Variants in UHRF2 observed in about 807,000 individuals in gnomAD.
UHRF2 encodes E3 ubiquitin-protein ligase UHRF2.
Under a neutral mutation model 96.8 loss-of-function variants are expected in UHRF2, and 23 were observed. The ratio of observed to expected loss-of-function variants is 0.24; its 90% CI spans 0.17 to 0.34. The LOEUF is 0.34. Ranked by LOEUF, UHRF2 falls within the 10% of genes least tolerant of loss-of-function variation. The pLI is 1.00. For synonymous variants in UHRF2, 385 were observed against 332.6 expected, an observed-to-expected ratio of 1.16 and a Z score of -1.72; for missense variants, 685 against 981.5, an observed-to-expected ratio of 0.70 and a Z score of 4.04.
chr9:6,462,711 G>A (rs997462909), intron 4 of UHRF2, among the ~76,000 whole-genome samples: 2 of 152,210 alleles, frequency 1.3e-5, no homozygotes, highest in African/African-American at 4.8e-5. Flanking sequence ...GAGGTCAGGA[G>A]TTCGAGACCA....
In UHRF2 at chr9:6,499,951, T is replaced by C. The variant is rs1825186624; in HGVS notation, c.2005+20T>C. On this transcript the variant is annotated intron_variant, in intron 13 of 15. Coordinates refer to ENST00000276893, the MANE Select transcript of UHRF2 (RefSeq NM_152896.3). ...CAGATGGTAGGTAATGATTGCAAAA[T>C]ATAAATAATAATAACATACTTTTGT... 6.5e-7 allele frequency: 1 copy of C among 1,537,266 alleles called. No individual in the cohort carries two copies. Among genetic ancestry groups the C allele is most frequent in the Non-Finnish European group, 8.9e-7 (1 of 1,119,062 alleles).
intron 3 of UHRF2, among the ~76,000 whole-genome samples, chr9:6,446,745 T>C (rs1439465739): frequency 6.6e-6 from 1 of 151,602 alleles, no homozygotes; most frequent in Non-Finnish European, 1.5e-5. Context: ...CTTGGGAGAC[T>C]GAGGCAGGAG....
chr9:6,468,713 G>A (rs1823031066), intron 4 of UHRF2: 1 of 455,840 alleles, frequency 2.2e-6, no homozygotes, highest in Non-Finnish European at 4.4e-6. Context: ...GTAGTAAAAA[G>A]TGGCATTTTC....
At chr9:6,481,558 G>C (rs1823927913) in intron 6 of UHRF2, 85 bp from the exon 7 acceptor site, 1 of 1,485,586 alleles carries the variant, frequency 6.7e-7, no homozygotes, top group Non-Finnish European at 9.1e-7. Flanking sequence ...CTTAAAACTT[G>C]CTCTTACCTA....
chr9:6,483,121 T>G (rs1824024779), intron 8 of UHRF2, among the ~76,000 whole-genome samples: 1 of 151,514 alleles, frequency 6.6e-6, no homozygotes, highest in African/African-American at 2.4e-5. Flanking sequence ...AGGCCAGGAA[T>G]TCAAAACCAG....
At chr9:6,500,754 A>G in intron 14 of UHRF2, 45 bp downstream of exon 14, 2 of 1,526,726 alleles carry the variant, frequency 1.3e-6, no homozygotes, top group South Asian at 1.2e-5. Context: ...ATATTAACAA[A>G]TGATAAATAA....
intron 8 of UHRF2, among the ~76,000 whole-genome samples, chr9:6,485,651 G>A (rs1474582585): frequency 4.4e-5 from 6 of 135,270 alleles, no homozygotes; most frequent in African/African-American, 1.7e-4. Context: ...CTTGAATTCA[G>A]TTTCCTTTAC....
chr9:6,474,923 C>G (rs1485026005), intron 4 of UHRF2, among the ~76,000 whole-genome samples: 1 of 152,024 alleles, frequency 6.6e-6, no homozygotes, highest in Non-Finnish European at 1.5e-5. Context: ...TAAATTGTTA[C>G]AGAATTATCC....
At chr9:6,462,909 T>C (rs543317210) in intron 4 of UHRF2, among the ~76,000 whole-genome samples, 2 of 148,776 alleles carry the variant, frequency 1.3e-5, no homozygotes, top group Admixed American at 1.3e-4. Flanking sequence ...AGAGCGAGAC[T>C]CTGTCTAAAA....
intron 3 of UHRF2, among the ~76,000 whole-genome samples, chr9:6,437,945 C>G (rs887864044): frequency 1.4e-4 from 22 of 152,128 alleles, no homozygotes; most frequent in African/African-American, 5.3e-4. Context: ...TAGTACAAAC[C>G]AGATGATGCT....
chr9:6,430,185 C>T (rs979317269), intron 2 of UHRF2, among the ~76,000 whole-genome samples: 3 of 152,018 alleles, frequency 2.0e-5, no homozygotes, highest in Non-Finnish European at 4.4e-5. Context: ...TAATTTTGTA[C>T]TTTTAGTAGA....
intron 3 of UHRF2, among the ~76,000 whole-genome samples, chr9:6,451,114 A>G (rs555774721): frequency 6.6e-6 from 1 of 152,270 alleles, no homozygotes; most frequent in East Asian, 1.9e-4. Flanking sequence ...GCTTTATCCT[A>G]CTCACGGTAG....
intron 8 of UHRF2, 70 bp downstream of exon 8, chr9:6,482,169 T>C (rs1823966350): frequency 2.3e-6 from 3 of 1,279,646 alleles, no homozygotes; most frequent in Admixed American, 1.8e-5. Context: ...TTAATGTCTG[T>C]TGATTGTAAG....
At chr9:6,504,015 CTTTTTTTTTT>C (rs35325264) in intron 14 of UHRF2, among the ~76,000 whole-genome samples, 6 of 78,958 alleles carry the variant, frequency 7.6e-5, no homozygotes, top group Admixed American at 2.7e-4. Context: ...AAATAGAAGA[CTTTTTTTTTT>C]TTTTTTTTTT....
chr9:6,426,807 T>A (rs1490621492), intron 2 of UHRF2, among the ~76,000 whole-genome samples: 1 of 152,194 alleles, frequency 6.6e-6, no homozygotes, highest in Non-Finnish European at 1.5e-5. Flanking sequence ...TGGAGTGCAG[T>A]GAGCCATCTC....
chr9:6,472,456 T>G (rs1052822558), intron 4 of UHRF2, among the ~76,000 whole-genome samples: 2 of 152,178 alleles, frequency 1.3e-5, no homozygotes, highest in African/African-American at 4.8e-5. Context: ...AAACTAGCCT[T>G]TAGTATAACA....
At chr9:6,422,676 C>T (rs1175502706) in intron 2 of UHRF2, 2 of 639,638 alleles carry the variant, frequency 3.1e-6, no homozygotes, top group Admixed American at 2.3e-5. Context: ...GTGACGTGAA[C>T]ACGGCTCGCT....
At chr9:6,485,844 A>G (rs1410422375) in intron 8 of UHRF2, among the ~76,000 whole-genome samples, 1 of 150,948 alleles carries the variant, frequency 6.6e-6, no homozygotes, top group Non-Finnish European at 1.5e-5. Context: ...CCCAAAACCA[A>G]TTGTATGACC....
At chr9:6,483,517 C>G (rs1318995956) in intron 8 of UHRF2, among the ~76,000 whole-genome samples, 1 of 152,044 alleles carries the variant, frequency 6.6e-6, no homozygotes, top group Non-Finnish European at 1.5e-5. Context: ...TGGACAGATT[C>G]AGTACAGACA....
Sources: allele counts gnomAD v4.1 joint callset (sites outside exome capture counted in the v4.1 genomes callset), GRCh38; gene constraint gnomAD v4.1.1; transcripts MANE v1.5; gene names NCBI Gene and HGNC (gene_info 2026-07-23, HGNC 2026-07-21).